The following SRPK2 variants were observed in gnomAD, a reference collection of about 807,000 sequenced individuals.
SRPK2 encodes the protein SRSF protein kinase 2.
Under a neutral mutation model 90.8 loss-of-function variants are expected in SRPK2, and 21 were observed. The ratio of observed to expected loss-of-function variants is 0.23; its 90% CI spans 0.16 to 0.33. The LOEUF is 0.33. SRPK2 is among the 10% of genes least tolerant of loss of function. The pLI, the probability that SRPK2 is intolerant of heterozygous loss-of-function variation, is 1.00. For synonymous variants in SRPK2, 288 were observed against 311.1 expected (o/e 0.93, Z 0.78); for missense variants, 620 against 869.0 (o/e 0.71, Z 3.60).
chr7:105,239,503 C>T (rs1800539401), intron 2 of SRPK2, among the ~76,000 whole-genome samples: 1 of 152,328 alleles, frequency 6.6e-6, no homozygotes. Flanking sequence ...AATAATACAT[C>T]TTTGTTTTCT....
At chr7:105,221,819 T>C (rs1401284324) in intron 2 of SRPK2, among the ~76,000 whole-genome samples, 1 of 152,206 alleles carries the variant, frequency 6.6e-6, no homozygotes, top group African/African-American at 2.4e-5. Context: ...TTATTTTTCT[T>C]CGGATTACCA....
At chr7:105,244,946 G>A in intron 2 of SRPK2, 1 of 1,467,288 alleles carries the variant, frequency 6.8e-7, no homozygotes, top group Non-Finnish European at 9.4e-7. Flanking sequence ...CCGCCATGAG[G>A]AAAGCCGCTG....
intron 2 of SRPK2, among the ~76,000 whole-genome samples, chr7:105,330,022 G>T (rs543858016): frequency 6.6e-6 from 1 of 152,020 alleles, no homozygotes; most frequent in Non-Finnish European, 1.5e-5. Context: ...GCAACAGAGC[G>T]AGACTCTGTC....
chr7:105,202,203 A>G (rs1795651826), intron 3 of SRPK2, among the ~76,000 whole-genome samples: 1 of 152,242 alleles, frequency 6.6e-6, no homozygotes, highest in Non-Finnish European at 1.5e-5. Flanking sequence ...TTTGTAGTAC[A>G]GTAACTTTCT....
intron 7 of SRPK2, among the ~76,000 whole-genome samples, chr7:105,158,511 C>T (rs957536750): frequency 1.3e-5 from 2 of 152,072 alleles, no homozygotes; most frequent in Non-Finnish European, 2.9e-5. Flanking sequence ...CCTTGGCCGC[C>T]CAAAGTGCTG....
At chr7:105,389,345 G>T (rs1198789132), upstream of SRPK2, 1 of 1,277,238 alleles carries the variant, frequency 7.8e-7, no homozygotes. Flanking sequence ...CTCTCCCTTT[G>T]CTCCTCTACA....
chr7:105,125,855 A>C (rs1196121206), intron 15 of SRPK2: 1 of 1,302,406 alleles, frequency 7.7e-7, no homozygotes, highest in Non-Finnish European at 1.0e-6. Context: ...CCAGCAGTTC[A>C]ATGATCAATG....
chr7:105,252,753 T>C (rs1802654899), intron 2 of SRPK2, among the ~76,000 whole-genome samples: 1 of 151,210 alleles, frequency 6.6e-6, no homozygotes, highest in African/African-American at 2.4e-5. Flanking sequence ...TTTTCTTTTT[T>C]TTTTTTTGAG....
chr7:105,270,310 G>A (rs1356159302), intron 2 of SRPK2, among the ~76,000 whole-genome samples: 2 of 152,090 alleles, frequency 1.3e-5, no homozygotes, highest in African/African-American at 4.8e-5. Flanking sequence ...GGCACATGGC[G>A]CCACAGTGAG....
chr7:105,131,457 GA>G (rs1245097687), intron 13 of SRPK2, among the ~76,000 whole-genome samples: 2 of 152,172 alleles, frequency 1.3e-5, no homozygotes, highest in African/African-American at 4.8e-5. Flanking sequence ...CTTGGTTTTT[GA>G]TATGGAAGAA....
chr7:105,319,649 C>G (rs1306577235), intron 2 of SRPK2, among the ~76,000 whole-genome samples: 2 of 151,942 alleles, frequency 1.3e-5, no homozygotes, highest in African/African-American at 4.8e-5. Flanking sequence ...GTGGAGGATC[C>G]ATAAGCTAAC....
intron 3 of SRPK2, among the ~76,000 whole-genome samples, chr7:105,185,517 G>A (rs1563053444): frequency 1.3e-5 from 2 of 152,070 alleles, no homozygotes; most frequent in African/African-American, 2.4e-5. Flanking sequence ...CTGAAGACAT[G>A]TTCCCAGGTG....
At chr7:105,254,168 T>C (rs935231951) in intron 2 of SRPK2, among the ~76,000 whole-genome samples, 6 of 152,224 alleles carry the variant, frequency 3.9e-5, no homozygotes, top group African/African-American at 7.2e-5. Flanking sequence ...GTACTGATCT[T>C]TGACTTACCC....
At chr7:105,330,078 C>T (rs1256822575) in intron 2 of SRPK2, among the ~76,000 whole-genome samples, 2 of 151,802 alleles carry the variant, frequency 1.3e-5, no homozygotes, top group African/African-American at 4.8e-5. Flanking sequence ...CGCGATGGCT[C>T]ACACCTGTAA....
rs185757804 is a variant in SRPK2, at chr7:105,383,834, C to G, written c.71+4814G>C. Among the ~76,000 whole-genome samples, 100 of 152,236 alleles carry G rather than the reference C, an allele frequency of 6.6e-4. 3 individuals are homozygous for G. Among genetic ancestry groups the G allele is most frequent in the Admixed American group, 3.2e-3 (49 of 15,272 alleles). ...AATACGTGCCATAACATGGATGAAC[C>G]TTGAAAACATTGTTCTAAGGAAACC... On this transcript the variant is annotated intron_variant, in intron 2 of 15. Transcript: ENST00000393651.
intron 2 of SRPK2, chr7:105,301,920 A>G: frequency 6.2e-7 from 1 of 1,608,870 alleles, no homozygotes; most frequent in South Asian, 1.1e-5. Flanking sequence ...GAAACTCCTA[A>G]TACAGCCCCA....
chr7:105,160,953 G>A (rs866127788), intron 6 of SRPK2, among the ~76,000 whole-genome samples: 4 of 151,264 alleles, frequency 2.6e-5, no homozygotes, highest in Admixed American at 6.6e-5. Context: ...TTTTTGAGAC[G>A]GAGTCTTGCT....
At chr7:105,236,890 T>C (rs1011068943) in intron 2 of SRPK2, among the ~76,000 whole-genome samples, 1 of 152,124 alleles carries the variant, frequency 6.6e-6, no homozygotes, top group Non-Finnish European at 1.5e-5. Flanking sequence ...AGAGATAGAA[T>C]CAAAAGACTA....
intron 2 of SRPK2, among the ~76,000 whole-genome samples, chr7:105,373,785 G>A (rs147384174): frequency 3.9e-5 from 6 of 152,114 alleles, no homozygotes; most frequent in East Asian, 3.9e-4. Flanking sequence ...CCTTACTGTC[G>A]TAAGTGCTTT....
Sources: allele counts gnomAD v4.1 joint callset (sites outside exome capture counted in the v4.1 genomes callset), GRCh38; gene constraint gnomAD v4.1.1; transcripts MANE v1.5; gene names NCBI Gene and HGNC (gene_info 2026-07-23, HGNC 2026-07-21).